Variants in TNR observed in about 807,000 individuals in gnomAD.
The protein encoded by TNR is tenascin R.
TNR carries 45 observed loss-of-function variants against 150.4 expected under a neutral mutation model. That is an observed-to-expected ratio of 0.30 (90% CI 0.24 to 0.38). TNR has a LOEUF of 0.38. Ranked by LOEUF, TNR falls within the 10% of genes least tolerant of loss-of-function variation. TNR has a pLI of 1.00. For missense variants in TNR, 1,544 were observed against 1,759.1 expected (o/e 0.88, Z 2.19); for synonymous variants, 687 against 678.4 (o/e 1.01, Z -0.20).
intron 1 of TNR, among the ~76,000 whole-genome samples, chr1:175,577,885 T>C (rs1662187598): frequency 6.6e-6 from 1 of 152,184 alleles, no homozygotes; most frequent in Non-Finnish European, 1.5e-5. Context: ...CCATTGCTCA[T>C]GCAGATAACT....
intron 21 of TNR, among the ~76,000 whole-genome samples, chr1:175,327,933 C>T (rs1174681119): frequency 6.6e-6 from 1 of 152,158 alleles, no homozygotes; most frequent in South Asian, 2.1e-4. Context: ...CATGGCAAAA[C>T]CCCATCTCTA....
At chr1:175,402,104 G>A (rs934593395) in intron 4 of TNR, among the ~76,000 whole-genome samples, 2 of 151,478 alleles carry the variant, frequency 1.3e-5, no homozygotes, top group African/African-American at 4.9e-5. Flanking sequence ...TCAGGAGATC[G>A]AGACCATCCT....
chr1:175,681,517 C>A (rs1666034020), intron 1 of TNR, among the ~76,000 whole-genome samples: 1 of 152,182 alleles, frequency 6.6e-6, no homozygotes, highest in Non-Finnish European at 1.5e-5. Context: ...CCCCATTGAT[C>A]CTTCCATAAA....
chr1:175,670,821 G>C (rs376878111), intron 1 of TNR, among the ~76,000 whole-genome samples: 3 of 129,436 alleles, frequency 2.3e-5, no homozygotes, highest in Non-Finnish European at 5.0e-5. Context: ...ATTATCAAAC[G>C]CTTATACCCT....
chr1:175,327,573 C>G (rs1243871728), intron 21 of TNR, among the ~76,000 whole-genome samples: 1 of 152,158 alleles, frequency 6.6e-6, no homozygotes, highest in Non-Finnish European at 1.5e-5. Flanking sequence ...TCCTCTGCCC[C>G]TTGGTTTTCC....
At chr1:175,481,829 C>T (rs1393932663) in intron 2 of TNR, among the ~76,000 whole-genome samples, 2 of 152,172 alleles carry the variant, frequency 1.3e-5, no homozygotes, top group Non-Finnish European at 2.9e-5. Flanking sequence ...CAGAACTTTT[C>T]TCTAAGAACA....
intron 1 of TNR, among the ~76,000 whole-genome samples, chr1:175,695,247 G>T (rs1437413309): frequency 6.6e-6 from 1 of 152,210 alleles, no homozygotes; most frequent in East Asian, 1.9e-4. Context: ...AAGGGGCCCA[G>T]TGGAGAGTCC....
chr1:175,710,198 A>G (rs754981207), intron 1 of TNR, among the ~76,000 whole-genome samples: 7 of 152,080 alleles, frequency 4.6e-5, no homozygotes, highest in Non-Finnish European at 7.4e-5. Flanking sequence ...GAAAGAGAGG[A>G]TGGCTGCCAG....
Position 175,365,939 on chromosome 1 carries a change from G to T in TNR, c.2253C>A (p.Ile751=). The stretch of plus-strand genomic sequence containing the variant: ...GACCCCTCTCAGCAGTGACGGAAAT[G>T]ATGTACTCTGCCCCAGGCTCTAGAT... ...LTDLEPGAEY[I]ISVTAERGRQ... is the part of the protein sequence containing the mutation. Residue 751 remains isoleucine, a synonymous_variant, in exon 11 of 23, where the codon ATC becomes ATA. Coordinates refer to ENST00000367674, the MANE Select transcript of TNR (RefSeq NM_003285.3). The T allele has an allele frequency of 6.2e-7, 1 of 1,614,168 alleles. No homozygotes were observed. Among genetic ancestry groups the T allele is most frequent in the Non-Finnish European group, 8.5e-7 (1 of 1,180,006 alleles).
intron 1 of TNR, among the ~76,000 whole-genome samples, chr1:175,550,095 A>C (rs372902350): frequency 5.9e-5 from 9 of 152,358 alleles, no homozygotes; most frequent in African/African-American, 2.2e-4. Context: ...AAATTTTGCA[A>C]GATGAGAAAC....
chr1:175,696,220 T>TTG (rs34612625), intron 1 of TNR, among the ~76,000 whole-genome samples: 36 of 44,324 alleles, frequency 8.1e-4, no homozygotes, highest in East Asian at 6.9e-3. Flanking sequence ...TCCTGTAGTT[T>TTG]TTTTTTTTTT....
rs1002496959 is a variant in TNR, at chr1:175,323,288, C to G, written c.*69G>C. On this transcript the variant is annotated 3_prime_UTR_variant, in exon 23 of 23. Transcript: ENST00000367674. ...CAAAACACATTGCTATTACCCTCCCCCCTTGTTTCATATTATAAAATACAA... is the reference window on the plus strand; with the variant it reads ...CAAAACACATTGCTATTACCCTCCCGCCTTGTTTCATATTATAAAATACAA... 27 of 1,589,364 alleles carry G rather than the reference C, an allele frequency of 1.7e-5. No individual in the cohort carries two copies. The highest frequency in any genetic ancestry group is 3.4e-5 in the South Asian group (3 of 88,306).
At chr1:175,691,515 G>T (rs940252425) in intron 1 of TNR, among the ~76,000 whole-genome samples, 1 of 151,996 alleles carries the variant, frequency 6.6e-6, no homozygotes, top group African/African-American at 2.4e-5. Context: ...GAAATCTCTG[G>T]TCTCTCTACC....
chr1:175,743,246 C>G lies in TNR; in HGVS notation c.-185G>C, dbSNP rs1667981969. On this transcript the variant is annotated 5_prime_UTR_variant, in exon 1 of 23. Transcript: ENST00000367674. ...CTTACCCAGGCTGGGGGTGGGCGGC[C>G]GGGGAGCGAGAGGAGCTTCCTGGGA... 1 of 152,206 alleles carries G rather than the reference C, an allele frequency of 6.6e-6. No homozygotes were observed. The highest frequency in any genetic ancestry group is 6.6e-5 in the Admixed American group (1 of 15,262). The allele number at this position is 152,206 out of a possible 1,614,324, so 9.4% of individuals were successfully genotyped here. A position where few individuals can be genotyped will look rare whatever the true frequency, so the allele number is the denominator to read the frequency against.
chr1:175,502,450 C>A (rs1658776100), intron 2 of TNR, among the ~76,000 whole-genome samples: 1 of 152,160 alleles, frequency 6.6e-6, no homozygotes, highest in Non-Finnish European at 1.5e-5. Context: ...TGCAGGGATA[C>A]AAACTCGGGG....
chr1:175,711,713 G>T (rs1191239089), intron 1 of TNR, among the ~76,000 whole-genome samples: 1 of 152,316 alleles, frequency 6.6e-6, no homozygotes, highest in East Asian at 1.9e-4. Flanking sequence ...ATTCTGAATA[G>T]ATCTCACAGA....
intron 1 of TNR, among the ~76,000 whole-genome samples, chr1:175,705,716 A>C (rs1487481023): frequency 6.6e-6 from 1 of 152,192 alleles, no homozygotes; most frequent in Admixed American, 6.5e-5. Flanking sequence ...GATTTCAGCA[A>C]GACTTTTAAA....
intron 2 of TNR, among the ~76,000 whole-genome samples, chr1:175,434,038 T>C (rs1655385652): frequency 6.6e-6 from 1 of 152,206 alleles, no homozygotes; most frequent in Admixed American, 6.5e-5. Flanking sequence ...ACATTTGCCA[T>C]CTGTCTTCTG....
intron 17 of TNR, 115 bp from the exon 18 acceptor site, chr1:175,354,638 A>T: frequency 7.6e-7 from 1 of 1,324,126 alleles, no homozygotes; most frequent in Middle Eastern, 1.9e-4. Context: ...TGCAATGGCC[A>T]TTGTCATCCT....
Sources: gnomAD v4.1 joint callset for allele counts (sites outside exome capture counted in the v4.1 genomes callset) on GRCh38, gnomAD v4.1.1 for gene constraint, MANE v1.5 for transcripts, NCBI Gene and HGNC (gene_info 2026-07-23, HGNC 2026-07-21) for gene names.